ITPK1: variants seen among roughly 807,000 people sequenced by gnomAD.
ITPK1 encodes the protein inositol-tetrakisphosphate 1-kinase, also known as inositol 1,3,4-trisphosphate 5/6-kinase.
Under a neutral mutation model 45.3 loss-of-function variants are expected in ITPK1, and 21 were observed. The observed-to-expected ratio is 0.46, with a 90% CI of 0.33 to 0.67. The LOEUF (loss-of-function observed/expected upper bound fraction) is 0.67. Among genes scored for constraint, ITPK1 ranks in the 30% least tolerant of loss-of-function variants. The probability of loss-of-function intolerance (pLI) is 0.02; values close to 1 mark genes in which losing one functional copy is unlikely to be tolerated. For missense variants in ITPK1, 474 were observed against 573.5 expected, an observed-to-expected ratio of 0.83 and a Z score of 1.77; for synonymous variants, 258 against 253.6, an observed-to-expected ratio of 1.02 and a Z score of -0.16.
intron 5 of ITPK1, among the ~76,000 whole-genome samples, chr14:92,987,742 G>A (rs551936710): frequency 2.0e-5 from 3 of 152,298 alleles, no homozygotes; most frequent in Admixed American, 2.0e-4. Flanking sequence ...GCTGAGGGAA[G>A]GAGCAGCTTC....
At chr14:93,060,238 A>C (rs1025011015) in intron 3 of ITPK1, among the ~76,000 whole-genome samples, 2 of 152,148 alleles carry the variant, frequency 1.3e-5, no homozygotes, top group Admixed American at 1.3e-4. Flanking sequence ...TAGGTGCCTC[A>C]CCAGCCCCCG....
chr14:93,112,988 C>G (rs1221922972), intron 2 of ITPK1, among the ~76,000 whole-genome samples: 1 of 152,166 alleles, frequency 6.6e-6, no homozygotes, highest in Non-Finnish European at 1.5e-5. Flanking sequence ...AGAAATGTGG[C>G]CACCAGGGGG....
At position 92,992,768 on chromosome 14, in the gene ITPK1, C is replaced by G. The variant is rs571679903; in HGVS notation, c.364+1112G>C. 2.6e-4 allele frequency among the ~76,000 whole-genome samples: 39 copies of G among 152,358 alleles called. No individual in the cohort carries two copies. The South Asian group carries it at 7.7e-3, about 30-fold the overall frequency. ...GGCCGGGGAGCCTGAGTCAGACAGA[C>G]CTGGCTGGATGCTGGCCCAGCCACC... is the stretch of plus-strand genomic sequence containing the variant. On this transcript the variant is annotated intron_variant, in intron 5 of 10. Coordinates refer to ENST00000267615, the MANE Select transcript of ITPK1 (RefSeq NM_014216.6).
rs151128283 is a variant in ITPK1, at chr14:93,093,658, G to T, written c.96-17039C>A. Among the ~76,000 whole-genome samples, 626 of 152,350 alleles carry T rather than the reference G, an allele frequency of 4.1e-3. 5 individuals carry two copies. Among genetic ancestry groups the T allele is most frequent in the Non-Finnish European group, 6.6e-3 (451 of 68,032 alleles). ...GCGTGGCGATGCTGAGGAACCAGGAGTGCTGAGGCCACCGGCCCCATACAG... is the reference window on the plus strand; with the variant it reads ...GCGTGGCGATGCTGAGGAACCAGGATTGCTGAGGCCACCGGCCCCATACAG... On this transcript the variant is annotated intron_variant, in intron 2 of 10. Coordinates refer to ENST00000267615, the MANE Select transcript of ITPK1 (RefSeq NM_014216.6).
Position 92,952,142 on chromosome 14 carries a change from G to A in ITPK1, c.671-129C>T. 5.4e-6 allele frequency: 4 copies of A among 734,496 alleles called. No homozygotes were observed. In the South Asian group the frequency reaches 6.5e-5, roughly 12 times the overall value. The allele number at this position is 734,496 out of a possible 1,614,324, so 45.5% of individuals were successfully genotyped here. ...TGGCCCCCGGCTCTGCAGAGCCCTG[G>A]GCTCCAGCAAGCTGGGCACCAGCCC... On this transcript the variant is annotated intron_variant, in intron 8 of 10. Transcript: ENST00000267615.
chr14:93,038,516 T>C (rs781565119), intron 3 of ITPK1, among the ~76,000 whole-genome samples: 19 of 152,272 alleles, frequency 1.2e-4, no homozygotes, highest in South Asian at 1.0e-3. Context: ...GTGGGATATA[T>C]GTGGGTTTTT....
rs564598295 is a variant in ITPK1, at chr14:93,081,510, C to G, written c.96-4891G>C. 3.0e-4 allele frequency among the ~76,000 whole-genome samples: 45 copies of G among 152,270 alleles called. No individual in the cohort carries two copies. The South Asian group carries it at 9.1e-3, about 31-fold the overall frequency. Reference sequence around the variant, plus strand: ...GCTGGATTATTAACAAAGGGATGATCCGCTTTGCACAGGGAAGCCTGTCCC... The same window carrying G: ...GCTGGATTATTAACAAAGGGATGATGCGCTTTGCACAGGGAAGCCTGTCCC... On this transcript the variant is annotated intron_variant, in intron 2 of 10. Transcript: ENST00000267615.
At chr14:93,096,335 T>A (rs896027592) in intron 2 of ITPK1, among the ~76,000 whole-genome samples, 4 of 152,360 alleles carry the variant, frequency 2.6e-5, no homozygotes, top group Middle Eastern at 3.4e-3. Context: ...ATCACTGTCA[T>A]CACTTCATTT....
intron 4 of ITPK1, among the ~76,000 whole-genome samples, chr14:92,995,019 G>C (rs1212154383): frequency 6.6e-6 from 1 of 152,140 alleles, no homozygotes; most frequent in Non-Finnish European, 1.5e-5. Flanking sequence ...GACAACTGCA[G>C]TGACACACCT....
At chr14:92,954,068 T>C (rs1354974496) in intron 8 of ITPK1, among the ~76,000 whole-genome samples, 1 of 152,152 alleles carries the variant, frequency 6.6e-6, no homozygotes, top group Non-Finnish European at 1.5e-5. Context: ...TAATTTTTTG[T>C]ATTTTCAGTA....
intron 3 of ITPK1, among the ~76,000 whole-genome samples, chr14:93,019,162 C>A (rs555030645): frequency 1.3e-5 from 2 of 152,208 alleles, no homozygotes; most frequent in African/African-American, 4.8e-5. Flanking sequence ...GAGGCCAAGA[C>A]AGCTACGAGC....
chr14:93,040,282 A>G (rs960748156), intron 3 of ITPK1, among the ~76,000 whole-genome samples: 2 of 152,202 alleles, frequency 1.3e-5, no homozygotes, highest in African/African-American at 4.8e-5. Flanking sequence ...CTTCAGCTAC[A>G]TGAAGCAGAG....
intron 5 of ITPK1, among the ~76,000 whole-genome samples, chr14:92,973,107 AC>A (rs958885332): frequency 2.0e-5 from 3 of 152,166 alleles, no homozygotes; most frequent in Non-Finnish European, 4.4e-5. Flanking sequence ...TGCAACTCCT[AC>A]CCACAGTCAC....
chr14:93,105,055 C>A (rs1054719670), intron 2 of ITPK1, among the ~76,000 whole-genome samples: 1 of 152,192 alleles, frequency 6.6e-6, no homozygotes, highest in Admixed American at 6.5e-5. Context: ...TCTGAAAAGG[C>A]TTCTTTTGAG....
intron 8 of ITPK1, among the ~76,000 whole-genome samples, chr14:92,952,607 T>C (rs1006888): frequency 0.24 from 36,065 of 151,992 alleles, 5,038 homozygotes; most frequent in African/African-American, 0.4. Context: ...CAGCACAATT[T>C]CTCTTTGGCA....
At chr14:93,059,528 G>A (rs913071601) in intron 3 of ITPK1, among the ~76,000 whole-genome samples, 1 of 63,630 alleles carries the variant, frequency 1.6e-5, no homozygotes, top group African/African-American at 7.1e-5. Context: ...CAAGGCAGGG[G>A]TGGGGAGGGT....
intron 5 of ITPK1, among the ~76,000 whole-genome samples, chr14:92,969,221 G>A (rs988001975): frequency 1.3e-5 from 2 of 152,140 alleles, no homozygotes; most frequent in African/African-American, 4.8e-5. Context: ...CCCTGTCCTC[G>A]AGGAGCTTAC....
chr14:93,009,692 T>C (rs560483640), intron 4 of ITPK1, among the ~76,000 whole-genome samples: 1 of 152,274 alleles, frequency 6.6e-6, no homozygotes, highest in African/African-American at 2.4e-5. Context: ...GAACAGGACA[T>C]GATCTGTTTC....
chr14:93,044,345 C>T (rs1477169322), intron 3 of ITPK1, among the ~76,000 whole-genome samples: 1 of 130,762 alleles, frequency 7.6e-6, no homozygotes, highest in Non-Finnish European at 1.8e-5. Flanking sequence ...TGGTCCAACC[C>T]CCTCCGCAGA....
Sources: allele counts gnomAD v4.1 joint callset (sites outside exome capture counted in the v4.1 genomes callset), GRCh38; gene constraint gnomAD v4.1.1; transcripts MANE v1.5; gene names NCBI Gene and HGNC (gene_info 2026-07-23, HGNC 2026-07-21).